SLC5A3: variants seen among roughly 807,000 people sequenced by gnomAD.
SLC5A3 encodes solute carrier family 5 member 3, also known as sodium/myo-inositol cotransporter.
In SLC5A3, 10 loss-of-function variants were observed where a neutral mutation model predicts 43.2. The observed-to-expected ratio is 0.23, with a 90% CI of 0.14 to 0.39. The LOEUF (loss-of-function observed/expected upper bound fraction) is 0.39. Ranked by LOEUF, SLC5A3 falls within the 10% of genes least tolerant of loss-of-function variation. The pLI, the probability that SLC5A3 is intolerant of heterozygous loss-of-function variation, is 1.00. For missense variants in SLC5A3, 608 were observed against 893.4 expected, an observed-to-expected ratio of 0.68 and a Z score of 4.07; for synonymous variants, 349 against 322.0, an observed-to-expected ratio of 1.08 and a Z score of -0.90.
chr21:34,104,937 A>T lies in SLC5A3; in HGVS notation c.*7582A>T. ...TATAATTTCATGGAGAACTGCTTTA[A>T]TTAGCCTAGGTGAAAAGTAGTCCTA... On this transcript the variant is annotated 3_prime_UTR_variant, in exon 2 of 2. Transcript: ENST00000381151. The T allele has an allele frequency of 1.0e-6, 1 of 999,980 alleles. No homozygotes were observed. Among genetic ancestry groups the T allele is most frequent in the Non-Finnish European group, 1.2e-6 (1 of 829,670 alleles). 61.9% of individuals were successfully genotyped at this position (999,980 alleles called of 1,614,324 possible). A position where few individuals can be genotyped will look rare whatever the true frequency, so the allele number is the denominator to read the frequency against.
In SLC5A3 at chr21:34,101,965, GT is replaced by G; in HGVS notation, c.*4617del. On this transcript the variant is annotated 3_prime_UTR_variant, in exon 2 of 2. Transcript: ENST00000381151. ...ACAATGGAGTTTTGATGCCAAAAAG[GT>G]TTTTTTGCAGTAAAAGTAAAAATTT... 1.0e-6 allele frequency: 1 copy of G among 999,902 alleles called. No homozygotes were observed. Among genetic ancestry groups the G allele is most frequent in the Non-Finnish European group, 1.2e-6 (1 of 829,740 alleles). The allele number at this position is 999,902 out of a possible 1,614,324, so 61.9% of individuals were successfully genotyped here. A position where few individuals can be genotyped will look rare whatever the true frequency, so the allele number is the denominator to read the frequency against.
chr21:34,073,853 T>G, intron 1 of SLC5A3, 108 bp downstream of exon 1: 4 of 591,046 alleles, frequency 6.8e-6, no homozygotes, highest in Non-Finnish European at 9.1e-6. Flanking sequence ...CTTCCTGCAC[T>G]CCTCGGAGGA....
chr21:34,082,024 A>G (rs1312030667), intron 1 of SLC5A3, among the ~76,000 whole-genome samples: 1 of 149,166 alleles, frequency 6.7e-6, no homozygotes, highest in Non-Finnish European at 1.5e-5. Flanking sequence ...TCCTCCTACC[A>G]GCCAGAAATC....
At chr21:34,080,640 G>A (rs578182674) in intron 1 of SLC5A3, among the ~76,000 whole-genome samples, 28 of 152,242 alleles carry the variant, frequency 1.8e-4, no homozygotes, top group Non-Finnish European at 3.8e-4. Context: ...ATCTCATCAC[G>A]TCTCCCATCA....
intron 1 of SLC5A3, among the ~76,000 whole-genome samples, chr21:34,084,389 G>C (rs961351503): frequency 6.6e-6 from 1 of 151,850 alleles, no homozygotes; most frequent in African/African-American, 2.4e-5. Context: ...CAAGTAGACT[G>C]AGAACAGAAA....
In SLC5A3 at chr21:34,095,711, GCTGA is replaced by G; in HGVS notation, c.517_520del (p.Thr173SerfsTer8). 1 of 1,613,568 alleles carries G rather than the reference GCTGA, an allele frequency of 6.2e-7. No homozygotes were observed. The highest frequency in any genetic ancestry group is 1.7e-5 in the Admixed American group (1 of 59,982). ...TCCTGCTCATTGGCATGACTGCTTT[GCTGA>G]CTGTCACCGGAGGCCTTGTTGCAGT... On this transcript the variant is annotated frameshift_variant, in exon 2 of 2. Transcript: ENST00000381151. LOFTEE classifies it high-confidence loss of function.
At position 34,096,652 on chromosome 21, in the gene SLC5A3, T is replaced by G; in HGVS notation, c.1454T>G (p.Leu485Trp). ...GGCTTTGTTCTTGGAGCAGTCCGTT[T>G]GATACTGGCCTTTGCCTACCGTGCC... Reference protein sequence around the residue: ...MAGFVLGAVRLILAFAYRAPE... With the variant: ...MAGFVLGAVRWILAFAYRAPE... Residue 485 changes from leucine to tryptophan, a missense_variant, in exon 2 of 2, where the codon TTG (leucine) becomes TGG (tryptophan). Physicochemically the swap from Leu to Trp is moderately conservative, Grantham distance 61. Transcript: ENST00000381151. This position sits in a 1 kb window ranked among gnomAD's most constrained non-coding sequence, Gnocchi z 5.9. 1.9e-6 allele frequency: 3 copies of G among 1,614,204 alleles called. No homozygotes were observed. Among genetic ancestry groups the G allele is most frequent in the Non-Finnish European group, 2.5e-6 (3 of 1,180,014 alleles).
rs1402075231 is a variant in SLC5A3, at chr21:34,097,473, T to C, written c.*118T>C. On this transcript the variant is annotated 3_prime_UTR_variant, in exon 2 of 2. Coordinates refer to ENST00000381151, the MANE Select transcript of SLC5A3 (RefSeq NM_006933.7). ...TACGCTGTAGGTTTTAGCCAAATTT[T>C]ACTTAGCAGAAAATCATCTAATTAC... is the stretch of plus-strand genomic sequence containing the variant. The C allele has an allele frequency of 6.9e-6, 10 of 1,452,550 alleles. No individual in the cohort carries two copies. Among genetic ancestry groups the C allele is most frequent in the Admixed American group, 2.7e-5 (1 of 37,634 alleles). 90.0% of individuals were successfully genotyped at this position (1,452,550 alleles called of 1,614,324 possible).
intron 1 of SLC5A3, among the ~76,000 whole-genome samples, chr21:34,090,045 C>G (rs771626135): frequency 6.6e-5 from 10 of 152,154 alleles, no homozygotes; most frequent in Non-Finnish European, 1.3e-4. Context: ...CTCCAGTGAG[C>G]ATTTCCTTTG....
At chr21:34,083,118 C>G (rs566738766) in intron 1 of SLC5A3, among the ~76,000 whole-genome samples, 1 of 152,170 alleles carries the variant, frequency 6.6e-6, no homozygotes, top group Non-Finnish European at 1.5e-5. Context: ...AACACCTACC[C>G]TGGAGTGGTT....
chr21:34,095,002 T>G lies in SLC5A3; in HGVS notation c.-197T>G. On this transcript the variant is annotated 5_prime_UTR_variant, in exon 2 of 2. In the 5' UTR this introduces an upstream ATG that the reference lacks. Transcript: ENST00000381151. ...CAATCCCAATTAAGAAGCGGAAAATTTAAACTGTCTTCTTCAAAGTTTATC... is the reference window on the plus strand; with the variant it reads ...CAATCCCAATTAAGAAGCGGAAAATGTAAACTGTCTTCTTCAAAGTTTATC... 1.6e-6 allele frequency: 1 copy of G among 625,322 alleles called. No individual in the cohort carries two copies. 38.7% of individuals were successfully genotyped at this position (625,322 alleles called of 1,614,324 possible).
At chr21:34,078,330 G>T (rs1318354928) in intron 1 of SLC5A3, among the ~76,000 whole-genome samples, 1 of 152,080 alleles carries the variant, frequency 6.6e-6, no homozygotes, top group East Asian at 1.9e-4. Context: ...GCTTATTGCC[G>T]CAGCAAGCTA....
chr21:34,076,563 G>A (rs1989336409), intron 1 of SLC5A3, among the ~76,000 whole-genome samples: 1 of 152,196 alleles, frequency 6.6e-6, no homozygotes, highest in South Asian at 2.1e-4. Context: ...TGGGCATTTA[G>A]GAATGTAGTT....
intron 1 of SLC5A3, among the ~76,000 whole-genome samples, chr21:34,078,178 T>G (rs1989378231): frequency 2.0e-5 from 3 of 152,172 alleles, no homozygotes; most frequent in Admixed American, 1.3e-4. Context: ...CCTAAACAGC[T>G]TAGCCTTGTA....
At chr21:34,083,998 A>T (rs1157559390) in intron 1 of SLC5A3, among the ~76,000 whole-genome samples, 1 of 152,156 alleles carries the variant, frequency 6.6e-6, no homozygotes, top group Non-Finnish European at 1.5e-5. Context: ...TGCAAGAGGA[A>T]AATCCAGCTG....
chr21:34,085,555 A>G (rs112967884), intron 1 of SLC5A3, among the ~76,000 whole-genome samples: 1 of 151,580 alleles, frequency 6.6e-6, no homozygotes, highest in African/African-American at 2.4e-5. Flanking sequence ...GCAAACTTAG[A>G]TATATCATTT....
chr21:34,077,166 G>A (rs2044048962), intron 1 of SLC5A3, among the ~76,000 whole-genome samples: 1 of 152,204 alleles, frequency 6.6e-6, no homozygotes, highest in Non-Finnish European at 1.5e-5. Flanking sequence ...GGTTTCACTT[G>A]ATAATTAGAT....
intron 1 of SLC5A3, among the ~76,000 whole-genome samples, chr21:34,074,459 C>T (rs1989274507): frequency 6.6e-6 from 1 of 152,220 alleles, no homozygotes; most frequent in Non-Finnish European, 1.5e-5. Flanking sequence ...CTTCCCCCTG[C>T]TTTTGATTGA....
chr21:34,096,913 T>TTC lies in SLC5A3; in HGVS notation c.1717_1718dup (p.Arg574Ter). 6.2e-7 allele frequency: 1 copy of TTC among 1,614,108 alleles called. No homozygotes were observed. Among genetic ancestry groups the TTC allele is most frequent in the East Asian group, 2.2e-5 (1 of 44,882 alleles). On this transcript the variant is annotated frameshift_variant, in exon 2 of 2. Transcript: ENST00000381151. LOFTEE classifies it high-confidence loss of function. The surrounding 1 kb of genome is among the most constrained non-coding windows in gnomAD (Gnocchi z 5.9). ...CCATACAAAATGCAAGAAAAGAGCATTCTGAGATGCAGTGAGAATAATGAG... is the reference window on the plus strand; with the variant it reads ...CCATACAAAATGCAAGAAAAGAGCATTCTCTGAGATGCAGTGAGAATAATGAG...
Sources: gnomAD v4.1 joint callset for allele counts (sites outside exome capture counted in the v4.1 genomes callset) on GRCh38, gnomAD v4.1.1 for gene constraint, Gnocchi (gnomAD v3.1) non-coding constraint, MANE v1.5 for transcripts, NCBI Gene and HGNC (gene_info 2026-07-23, HGNC 2026-07-21) for gene names.